Variants in MAPK8IP3 observed in about 807,000 individuals in gnomAD.
The protein encoded by MAPK8IP3 is mitogen-activated protein kinase 8 interacting protein 3.
A neutral mutation model predicts 157.8 loss-of-function variants in MAPK8IP3; 49 were observed. The observed-to-expected ratio is 0.31, with a 90% CI of 0.25 to 0.39. The LOEUF (loss-of-function observed/expected upper bound fraction) is 0.39. MAPK8IP3 is among the 10% of genes least tolerant of loss of function. The pLI is 1.00. For missense variants in MAPK8IP3, 1,478 were observed against 1,889.4 expected, an observed-to-expected ratio of 0.78 and a Z score of 4.04; for synonymous variants, 897 against 777.7, an observed-to-expected ratio of 1.15 and a Z score of -2.55.
At position 1,748,248 on chromosome 16, in the gene MAPK8IP3, G is replaced by A. The variant is rs2041088391; in HGVS notation, c.999G>A (p.Met333Ile). The A allele has an allele frequency of 1.2e-6, 2 of 1,613,402 alleles. No homozygotes were observed. Among genetic ancestry groups the A allele is most frequent in the Non-Finnish European group, 1.7e-6 (2 of 1,179,620 alleles). The change falls in exon 7 of 32, where the codon ATG becomes ATA. Residue 333 changes from methionine to isoleucine, a missense_variant. Met to Ile is a conservative substitution (Grantham distance 10). This residue lies in a region of MAPK8IP3 where 315 missense variants were observed against 394.4 expected (regional missense o/e 0.80). Coordinates refer to ENST00000610761, the MANE Select transcript of MAPK8IP3 (RefSeq NM_001318852.2). The part of the protein sequence containing the change: ...TQEMRNVSIG[M>I]GSSDEWSDVQ... ...TGCCCCTGTGCTCTCCCCTAGGCATGGGCAGCAGTGACGAGTGGTCTGATG... is the reference window on the plus strand; with the variant it reads ...TGCCCCTGTGCTCTCCCCTAGGCATAGGCAGCAGTGACGAGTGGTCTGATG...
intron 4 of MAPK8IP3, among the ~76,000 whole-genome samples, chr16:1,737,913 T>TGA (rs2040150762): frequency 2.9e-5 from 2 of 68,646 alleles, no homozygotes; most frequent in South Asian, 1.2e-3. Context: ...TGACCGTCCG[T>TGA]GTGTGTGACC....
chr16:1,729,584 C>T lies in MAPK8IP3; in HGVS notation c.602+6C>T, dbSNP rs1468164650. On this transcript the variant is annotated splice_donor_region_variant and intron_variant, in intron 4 of 31. Coordinates refer to ENST00000610761, the MANE Select transcript of MAPK8IP3 (RefSeq NM_001318852.2). ...AGCAGCCTGCCGGGGCGGAGGTACG[C>T]GGGGCGCGGCGGGGTGGAGGTACGC... 19 of 1,582,224 alleles carry T rather than the reference C, an allele frequency of 1.2e-5. No homozygotes were observed. Among genetic ancestry groups the T allele is most frequent in the Non-Finnish European group, 1.5e-5 (17 of 1,161,988 alleles).
chr16:1,729,568 C>CCGGGGCGGAGGTACGCGGGGCGCGG lies in MAPK8IP3; in HGVS notation c.598_602+20dup, dbSNP rs1214051106. 70 of 1,605,194 alleles carry CCGGGGCGGAGGTACGCGGGGCGCGG rather than the reference C, an allele frequency of 4.4e-5. No homozygotes were observed. Among genetic ancestry groups the CCGGGGCGGAGGTACGCGGGGCGCGG allele is most frequent in the Middle Eastern group, 1.7e-4 (1 of 6,026 alleles). On this transcript the variant is annotated frameshift_variant, in exon 4 of 32. Transcript: ENST00000610761. LOFTEE classifies it high-confidence loss of function. The stretch of plus-strand genomic sequence containing the variant: ...AAACAGCCAGACCGAGAGCAGCCTG[C>CCGGGGCGGAGGTACGCGGGGCGCGG]CGGGGCGGAGGTACGCGGGGCGCGG...
At chr16:1,715,171 T>C (rs562668832) in intron 1 of MAPK8IP3, among the ~76,000 whole-genome samples, 5 of 152,284 alleles carry the variant, frequency 3.3e-5, no homozygotes, top group Non-Finnish European at 7.4e-5. Flanking sequence ...AACCCAGCCA[T>C]CCCTTTCACA....
intron 4 of MAPK8IP3, among the ~76,000 whole-genome samples, chr16:1,735,296 A>G (rs944663386): frequency 6.8e-6 from 1 of 148,030 alleles, no homozygotes; most frequent in Admixed American, 6.7e-5. Flanking sequence ...GCGACGGTCC[A>G]TGTGACTGTC....
intron 4 of MAPK8IP3, among the ~76,000 whole-genome samples, chr16:1,734,820 G>A (rs955588195): frequency 2.0e-5 from 3 of 152,390 alleles, no homozygotes; most frequent in East Asian, 1.9e-4. Flanking sequence ...CCTCAGCGCT[G>A]GGCGCCCTCC....
At chr16:1,748,520 G>T in intron 7 of MAPK8IP3, 82 bp from the exon 8 acceptor site, 1 of 1,241,010 alleles carries the variant, frequency 8.1e-7, no homozygotes, top group East Asian at 2.4e-5. Flanking sequence ...CACGGTGGGA[G>T]GTGTTGGAAG....
intron 9 of MAPK8IP3, 124 bp downstream of exon 9, chr16:1,758,283 C>G (rs1370631703): frequency 1.8e-6 from 2 of 1,131,210 alleles, no homozygotes; most frequent in East Asian, 5.0e-5. Context: ...GCCGCAGCGC[C>G]TCTGCTTCTG....
chr16:1,716,623 C>T (rs1362401444), intron 1 of MAPK8IP3, among the ~76,000 whole-genome samples: 1 of 151,652 alleles, frequency 6.6e-6, no homozygotes, highest in Admixed American at 6.6e-5. Context: ...TCTTGAAATT[C>T]ACCGAAAATG....
chr16:1,724,732 G>T lies in MAPK8IP3; in HGVS notation c.439+55G>T, dbSNP rs1381417605. ...GCTTGATGGGCGCTGCTCTGGGACG[G>T]CTCTGGTTGGGGTGGGCATGGAGCG... On this transcript the variant is annotated intron_variant, in intron 2 of 31. Transcript: ENST00000610761. This position sits in a 1 kb window ranked among gnomAD's most constrained non-coding sequence, Gnocchi z 4.1. 1.9e-6 allele frequency: 3 copies of T among 1,583,844 alleles called. No individual in the cohort carries two copies. In the South Asian group the frequency reaches 3.3e-5, roughly 18 times the overall value.
At position 1,741,949 on chromosome 16, in the gene MAPK8IP3, C is replaced by T. The variant is rs766368277; in HGVS notation, c.603-1383C>T. ...AGCTCCCCACCCAGGTAGCGGAGCT[C>T]CTGGTCAGCGGCGGCTGCTGCGTTC... On this transcript the variant is annotated intron_variant, in intron 4 of 31. Coordinates refer to ENST00000610761, the MANE Select transcript of MAPK8IP3 (RefSeq NM_001318852.2). This position sits in a 1 kb window ranked among gnomAD's most constrained non-coding sequence, Gnocchi z 6.9. Among the ~76,000 whole-genome samples, 7 of 152,170 alleles carry T rather than the reference C, an allele frequency of 4.6e-5. No individual in the cohort carries two copies. Among genetic ancestry groups the T allele is most frequent in the Non-Finnish European group, 8.8e-5 (6 of 68,028 alleles).
chr16:1,729,464 T>C (rs761488141), intron 3 of MAPK8IP3, 23 bp from the exon 4 acceptor site: 31 of 1,604,072 alleles, frequency 1.9e-5, no homozygotes, highest in East Asian at 4.5e-5. Context: ...GCAGCGCTAA[T>C]GCAGGCGTTT....
At position 1,769,206 on chromosome 16, in the gene MAPK8IP3, C is replaced by T; in HGVS notation, c.*382C>T. 3 of 247,436 alleles carry T rather than the reference C, an allele frequency of 1.2e-5. No homozygotes were observed. The South Asian group carries it at 1.4e-4, about 12-fold the overall frequency. 15.3% of individuals were successfully genotyped at this position (247,436 alleles called of 1,614,324 possible). A position where few individuals can be genotyped will look rare whatever the true frequency, so the allele number is the denominator to read the frequency against. On this transcript the variant is annotated 3_prime_UTR_variant, in exon 32 of 32. Coordinates refer to ENST00000610761, the MANE Select transcript of MAPK8IP3 (RefSeq NM_001318852.2). ...GGAGGAGGCAGGGGCTCCCCGCCGC[C>T]GAGGCTGCCTGCCCTGGGCCCACCT...
At position 1,766,381 on chromosome 16, in the gene MAPK8IP3, ACCCCGTCCTCTGGCC is replaced by A; in HGVS notation, c.2795_2809del (p.Pro932_Pro936del). 6.2e-7 allele frequency: 1 copy of A among 1,611,382 alleles called. No homozygotes were observed. The highest frequency in any genetic ancestry group is 1.1e-5 in the South Asian group (1 of 91,036). ...GCACGTCTTCACTGACCCAGCCCCG[ACCCCGTCCTCTGGCC>A]CCCAGCCTGGCAGGTGAGCTCTTGG... On this transcript the variant is annotated inframe_deletion, in exon 22 of 32. Coordinates refer to ENST00000610761, the MANE Select transcript of MAPK8IP3 (RefSeq NM_001318852.2).
At chr16:1,727,303 TGA>T (rs1281830195) in intron 2 of MAPK8IP3, among the ~76,000 whole-genome samples, 3 of 149,314 alleles carry the variant, frequency 2.0e-5, no homozygotes, top group Admixed American at 6.7e-5. Context: ...AGCGTCTGTG[TGA>T]GTGTCGTGTG....
At chr16:1,717,235 C>CAAAA (rs1169533483) in intron 1 of MAPK8IP3, among the ~76,000 whole-genome samples, 12 of 60,020 alleles carry the variant, frequency 2.0e-4, no homozygotes, top group Middle Eastern at 7.8e-3. Flanking sequence ...AACTCCATCT[C>CAAAA]AAAAAAAAAA....
chr16:1,711,794 G>T (rs1170696390), intron 1 of MAPK8IP3, among the ~76,000 whole-genome samples: 1 of 151,898 alleles, frequency 6.6e-6, no homozygotes, highest in East Asian at 1.9e-4. Flanking sequence ...ACAAAAATTA[G>T]CTGGGCATGG....
chr16:1,758,098 C>T (rs1335198650), intron 8 of MAPK8IP3, 50 bp from the exon 9 acceptor site: 2 of 1,607,012 alleles, frequency 1.2e-6, no homozygotes, highest in East Asian at 2.2e-5. Context: ...CCCTAATTGA[C>T]CTTTGTCCCT....
At position 1,747,173 on chromosome 16, in the gene MAPK8IP3, G is replaced by C. The variant is rs1438742877; in HGVS notation, c.892G>C (p.Asp298His). ...CAACGAGAGCCTGCAGCCCCTGGGG[G>C]ACTATGGCGTGGGCTCCAAGAACAG... ...PLNESLQPLGDYGVGSKNSKR... is the reference protein window; with the variant it reads ...PLNESLQPLGHYGVGSKNSKR... Residue 298 changes from aspartate to histidine, a missense_variant, in exon 6 of 32, where the codon GAC becomes CAC. Physicochemically the swap from Asp to His is moderately conservative, Grantham distance 81 (BLOSUM62 -1). Coordinates refer to ENST00000610761, the MANE Select transcript of MAPK8IP3 (RefSeq NM_001318852.2). The C allele has an allele frequency of 2.5e-6, 4 of 1,613,890 alleles. No homozygotes were observed. The highest frequency in any genetic ancestry group is 2.5e-6 in the Non-Finnish European group (3 of 1,180,028).
Sources: allele counts gnomAD v4.1 joint callset (sites outside exome capture counted in the v4.1 genomes callset), GRCh38; gene constraint gnomAD v4.1.1; regional missense constraint gnomAD v4.1.1; non-coding constraint Gnocchi (gnomAD v3.1); transcripts MANE v1.5; gene names NCBI Gene and HGNC (gene_info 2026-07-23, HGNC 2026-07-21).